The following FYN variants were observed in gnomAD, a reference collection of about 807,000 sequenced individuals.
FYN encodes the protein FYN proto-oncogene, Src family tyrosine kinase.
In FYN, 10 loss-of-function variants were observed where a neutral mutation model predicts 70.2. The ratio of observed to expected loss-of-function variants is 0.14; its 90% confidence interval spans 0.09 to 0.24. The LOEUF is 0.24. FYN is among the 10% of genes least tolerant of loss of function. The pLI, the probability that FYN is intolerant of heterozygous loss-of-function variation, is 1.00. For missense variants in FYN, 319 were observed against 673.1 expected, an observed-to-expected ratio of 0.47 and a Z score of 5.82; for synonymous variants, 236 against 248.6, an observed-to-expected ratio of 0.95 and a Z score of 0.48.
intron 8 of FYN, among the ~76,000 whole-genome samples, chr6:111,700,575 T>C (rs1367853431): frequency 6.6e-6 from 1 of 152,226 alleles, no homozygotes; most frequent in African/African-American, 2.4e-5. Context: ...CGATACAGTC[T>C]ATACATAGAC....
chr6:111,680,842 A>C (rs1012502086), intron 12 of FYN, among the ~76,000 whole-genome samples: 17 of 152,154 alleles, frequency 1.1e-4, no homozygotes, highest in Admixed American at 3.9e-4. Flanking sequence ...CATTTCTATG[A>C]GAAATGCATG....
intron 12 of FYN, among the ~76,000 whole-genome samples, chr6:111,691,719 G>C (rs973296867): frequency 6.6e-6 from 1 of 152,162 alleles, no homozygotes; most frequent in Non-Finnish European, 1.5e-5. Flanking sequence ...ACTAGAAGGT[G>C]CTCCTTAAAA....
intron 2 of FYN, among the ~76,000 whole-genome samples, chr6:111,788,532 A>C (rs1322191457): frequency 6.6e-6 from 1 of 152,106 alleles, no homozygotes; most frequent in Non-Finnish European, 1.5e-5. Context: ...GTGAGGGGAG[A>C]CAGGGAGCAT....
chr6:111,699,913 C>CTTTTT lies in FYN; in HGVS notation c.862+186_862+190dup, dbSNP rs71021861. On this transcript the variant is annotated intron_variant, in intron 9 of 13. Coordinates refer to ENST00000354650, the MANE Select transcript of FYN (RefSeq NM_002037.5). ...TTTGCCAATTTTGCCCACTTACTATCTTTTTTTTTTTTTTTTTTTTTTTTT... is the reference window on the plus strand; with the variant it reads ...TTTGCCAATTTTGCCCACTTACTATCTTTTTTTTTTTTTTTTTTTTTTTTTTTTTT... The CTTTTT allele has an allele frequency of 7.7e-4, 144 of 186,546 alleles. 1 individual carries two copies. Among genetic ancestry groups the CTTTTT allele is most frequent in the African/African-American group, 2.5e-3 (80 of 32,630 alleles). The allele number at this position is 186,546 out of a possible 1,614,324, so 11.6% of individuals were successfully genotyped here.
chr6:111,683,568 G>A (rs9374275), intron 12 of FYN, among the ~76,000 whole-genome samples: 5,398 of 152,274 alleles, frequency 0.035, 138 homozygotes, highest in East Asian at 0.1. Context: ...CATTTTCAAG[G>A]AGGAAACCCA....
intron 2 of FYN, among the ~76,000 whole-genome samples, chr6:111,815,629 A>G (rs1421205569): frequency 6.6e-6 from 1 of 152,218 alleles, no homozygotes; most frequent in Non-Finnish European, 1.5e-5. Flanking sequence ...ACTAGAATAA[A>G]ATATTCCAAA....
chr6:111,694,311 G>A lies in FYN; in HGVS notation c.1273+64C>T, dbSNP rs1029056545. 2.9e-5 allele frequency: 46 copies of A among 1,562,888 alleles called. No homozygotes were observed. In the Admixed American group the frequency reaches 5.1e-4, roughly 17 times the overall value. ...GAAGGGAAGGGAAGGAGGAAGGAAG[G>A]GCTGTGCAGTAAGTGACTGTTCTCA... On this transcript the variant is annotated intron_variant, in intron 12 of 13. Transcript: ENST00000354650. This position sits in a 1 kb window ranked among gnomAD's most constrained non-coding sequence, Gnocchi z 5.0.
intron 3 of FYN, among the ~76,000 whole-genome samples, chr6:111,761,924 TC>T (rs1286387468): frequency 6.6e-6 from 1 of 152,134 alleles, no homozygotes; most frequent in African/African-American, 2.4e-5. Flanking sequence ...TGCTCAGCAA[TC>T]CCTGGTCAGC....
At chr6:111,711,092 A>G (rs1344868602) in intron 5 of FYN, among the ~76,000 whole-genome samples, 1 of 152,022 alleles carries the variant, frequency 6.6e-6, no homozygotes, top group Non-Finnish European at 1.5e-5. Context: ...CCAAACCCCA[A>G]AGTTGCTCGT....
intron 2 of FYN, among the ~76,000 whole-genome samples, chr6:111,843,699 T>A (rs753252925): frequency 1.3e-5 from 2 of 152,190 alleles, no homozygotes; most frequent in Non-Finnish European, 2.9e-5. Flanking sequence ...TCATGCCTGC[T>A]CAATTTTTTA....
chr6:111,811,736 A>G (rs904469640), intron 2 of FYN, among the ~76,000 whole-genome samples: 3 of 152,208 alleles, frequency 2.0e-5, no homozygotes, highest in Non-Finnish European at 4.4e-5. Context: ...AAGATAAGTT[A>G]AACTAATTAG....
chr6:111,692,074 C>T (rs1170121182), intron 12 of FYN, among the ~76,000 whole-genome samples: 1 of 151,568 alleles, frequency 6.6e-6, no homozygotes, highest in Non-Finnish European at 1.5e-5. Context: ...CTGGGACATC[C>T]TGGGACCTGC....
At chr6:111,699,588 A>T in intron 9 of FYN, 1 of 1,614,188 alleles carries the variant, frequency 6.2e-7, no homozygotes, top group Non-Finnish European at 8.5e-7. Flanking sequence ...CAACTTCCCA[A>T]GCATCTTTAG....
rs376027186 is a variant in FYN, at chr6:111,698,912, G to A, written c.862+1192C>T. ...ATTCTGGCCAACATGGTGAAACTCCGTCTCTACTAAAAATACAAAAATTAG... is the reference window on the plus strand; with the variant it reads ...ATTCTGGCCAACATGGTGAAACTCCATCTCTACTAAAAATACAAAAATTAG... On this transcript the variant is annotated intron_variant, in intron 9 of 13. Coordinates refer to ENST00000354650, the MANE Select transcript of FYN (RefSeq NM_002037.5). Among the ~76,000 whole-genome samples, 16 of 152,076 alleles carry A rather than the reference G, an allele frequency of 1.1e-4. No homozygotes were observed. In the South Asian group the frequency reaches 1.5e-3, roughly 14 times the overall value.
intron 2 of FYN, among the ~76,000 whole-genome samples, chr6:111,806,528 A>C (rs1772155926): frequency 6.6e-6 from 1 of 152,246 alleles, no homozygotes; most frequent in Non-Finnish European, 1.5e-5. Flanking sequence ...AAAGGCTTGA[A>C]ACAAAGTAAA....
At chr6:111,699,431 C>A (rs562383204) in intron 9 of FYN, 3 of 1,433,314 alleles carry the variant, frequency 2.1e-6, no homozygotes, top group Admixed American at 1.9e-5. Context: ...TTTGTCCCAA[C>A]GGCTGTGTGT....
chr6:111,808,842 T>C (rs901067872), intron 2 of FYN, among the ~76,000 whole-genome samples: 4 of 152,184 alleles, frequency 2.6e-5, no homozygotes, highest in Non-Finnish European at 5.9e-5. Flanking sequence ...ATGACACAAC[T>C]TCGTCCAGAG....
chr6:111,805,443 T>A (rs1772117780), intron 2 of FYN, among the ~76,000 whole-genome samples: 3 of 152,236 alleles, frequency 2.0e-5, no homozygotes, highest in Admixed American at 2.0e-4. Flanking sequence ...TTTTGCTGTT[T>A]GCCAAATCTG....
chr6:111,680,098 C>G (rs1798720388), intron 12 of FYN, among the ~76,000 whole-genome samples: 1 of 152,172 alleles, frequency 6.6e-6, no homozygotes, highest in Non-Finnish European at 1.5e-5. Flanking sequence ...TAATAATCAT[C>G]CATGCTTCAA....
Sources: allele counts gnomAD v4.1 joint callset (sites outside exome capture counted in the v4.1 genomes callset), GRCh38; gene constraint gnomAD v4.1.1; non-coding constraint Gnocchi (gnomAD v3.1); transcripts MANE v1.5; gene names NCBI Gene and HGNC (gene_info 2026-07-23, HGNC 2026-07-21).